EPHB1: variants seen among roughly 807,000 people sequenced by gnomAD.
EPHB1 encodes EPH receptor B1.
Under a neutral mutation model 94.4 loss-of-function variants are expected in EPHB1, and 30 were observed. The observed-to-expected ratio is 0.32, with a 90% CI of 0.24 to 0.43. The LOEUF (loss-of-function observed/expected upper bound fraction) is 0.43. EPHB1 is among the 20% of genes least tolerant of loss of function. EPHB1 has a pLI of 1.00. For synonymous variants in EPHB1, 522 were observed against 489.1 expected (o/e 1.07, Z -0.89); for missense variants, 1,055 against 1,308.3 (o/e 0.81, Z 2.99).
intron 3 of EPHB1, among the ~76,000 whole-genome samples, chr3:135,064,562 C>T (rs1295673572): frequency 1.3e-5 from 2 of 151,974 alleles, no homozygotes; most frequent in African/African-American, 4.8e-5. Flanking sequence ...TTTCATTTCT[C>T]ATTGAGGTTA....
chr3:134,911,009 T>G (rs187385016), intron 1 of EPHB1, among the ~76,000 whole-genome samples: 1 of 152,338 alleles, frequency 6.6e-6, no homozygotes, highest in African/African-American at 2.4e-5. Flanking sequence ...AGACCTGCTC[T>G]GAATGGTGAG....
chr3:134,907,762 A>G (rs777973444), intron 1 of EPHB1, among the ~76,000 whole-genome samples: 3 of 152,158 alleles, frequency 2.0e-5, no homozygotes, highest in Non-Finnish European at 2.9e-5. Flanking sequence ...GTATTACTCA[A>G]TTTAAAAATT....
At chr3:134,866,889 C>G (rs1578151744) in intron 1 of EPHB1, among the ~76,000 whole-genome samples, 1 of 152,166 alleles carries the variant, frequency 6.6e-6, no homozygotes, top group Admixed American at 6.5e-5. Flanking sequence ...ACCCTCTTGC[C>G]CACACATCTC....
chr3:134,885,187 A>G (rs1340627211), intron 1 of EPHB1, among the ~76,000 whole-genome samples: 1 of 152,258 alleles, frequency 6.6e-6, no homozygotes, highest in Non-Finnish European at 1.5e-5. Flanking sequence ...GATGGGATTG[A>G]TGGAAGATGA....
chr3:135,013,340 A>G (rs1935683562), intron 3 of EPHB1, among the ~76,000 whole-genome samples: 1 of 152,238 alleles, frequency 6.6e-6, no homozygotes, highest in Non-Finnish European at 1.5e-5. Flanking sequence ...CAGTGCCCAC[A>G]TCTCTCATCA....
intron 9 of EPHB1, among the ~76,000 whole-genome samples, chr3:135,169,804 T>C (rs888809797): frequency 2.0e-5 from 3 of 152,184 alleles, no homozygotes; most frequent in South Asian, 2.1e-4. Context: ...GTGACTTATC[T>C]AGGGCACATG....
chr3:135,117,719 G>C (rs991543976), intron 4 of EPHB1, among the ~76,000 whole-genome samples: 1 of 152,192 alleles, frequency 6.6e-6, no homozygotes, highest in African/African-American at 2.4e-5. Context: ...TGGTGTGCTG[G>C]CCCCTCCTTG....
chr3:134,889,709 A>T (rs1032207335), intron 1 of EPHB1, among the ~76,000 whole-genome samples: 1 of 149,328 alleles, frequency 6.7e-6, no homozygotes, highest in Non-Finnish European at 1.5e-5. Flanking sequence ...ACAGAGTCTC[A>T]CTCTGTTGCC....
intron 3 of EPHB1, among the ~76,000 whole-genome samples, chr3:134,967,285 C>T (rs1933795402): frequency 6.6e-6 from 1 of 152,052 alleles, no homozygotes; most frequent in Non-Finnish European, 1.5e-5. Flanking sequence ...TTGGTACTAA[C>T]TAGTCAGGGA....
At chr3:135,054,314 C>T (rs1937283725) in intron 3 of EPHB1, among the ~76,000 whole-genome samples, 1 of 152,108 alleles carries the variant, frequency 6.6e-6, no homozygotes. Flanking sequence ...TTCAGCCTGC[C>T]AGCCTACTGT....
At chr3:134,901,170 C>T (rs1228464556) in intron 1 of EPHB1, among the ~76,000 whole-genome samples, 2 of 152,086 alleles carry the variant, frequency 1.3e-5, no homozygotes, top group Non-Finnish European at 2.9e-5. Flanking sequence ...ATTATTATCA[C>T]ATCTAAAATA....
intron 4 of EPHB1, among the ~76,000 whole-genome samples, chr3:135,108,509 T>C (rs1376413055): frequency 6.6e-6 from 1 of 152,200 alleles, no homozygotes; most frequent in African/African-American, 2.4e-5. Flanking sequence ...ACCCTTGACC[T>C]CTGAGATGCC....
intron 3 of EPHB1, among the ~76,000 whole-genome samples, chr3:135,030,910 G>T (rs1240310368): frequency 6.6e-6 from 1 of 152,200 alleles, no homozygotes; most frequent in Non-Finnish European, 1.5e-5. Flanking sequence ...GCCAGGTGCG[G>T]CATGTAATCT....
At chr3:135,096,483 T>C (rs993491192) in intron 3 of EPHB1, among the ~76,000 whole-genome samples, 1 of 152,222 alleles carries the variant, frequency 6.6e-6, no homozygotes, top group African/African-American at 2.4e-5. Flanking sequence ...GATCTGAGAT[T>C]CTGTGTTTCT....
chr3:135,112,093 G>T (rs757572308), intron 4 of EPHB1, among the ~76,000 whole-genome samples: 4 of 152,236 alleles, frequency 2.6e-5, no homozygotes, highest in Non-Finnish European at 4.4e-5. Context: ...GCACAACGTG[G>T]CTGGAGTGAG....
intron 3 of EPHB1, among the ~76,000 whole-genome samples, chr3:135,029,523 C>A (rs1454661816): frequency 9.0e-4 from 134 of 148,332 alleles, no homozygotes; most frequent in African/African-American, 3.2e-3. Flanking sequence ...GTTGAAAATT[C>A]TTTTCTTTAA....
intron 1 of EPHB1, among the ~76,000 whole-genome samples, chr3:134,901,347 C>A (rs1451747316): frequency 2.0e-5 from 3 of 152,174 alleles, no homozygotes; most frequent in Non-Finnish European, 4.4e-5. Flanking sequence ...GCTCCTTCGC[C>A]CTTCTTATTT....
chr3:134,837,434 A>G (rs1182732699), intron 1 of EPHB1, among the ~76,000 whole-genome samples: 2 of 152,220 alleles, frequency 1.3e-5, no homozygotes, highest in African/African-American at 4.8e-5. Flanking sequence ...ACATGGATGC[A>G]GAATTTGTTT....
chr3:135,055,842 G>T (rs1021534367), intron 3 of EPHB1, among the ~76,000 whole-genome samples: 2 of 152,138 alleles, frequency 1.3e-5, no homozygotes, highest in East Asian at 1.9e-4. Context: ...CTGAGTATGG[G>T]CTCATCTTCA....
Sources: gnomAD v4.1 joint callset for allele counts (sites outside exome capture counted in the v4.1 genomes callset) on GRCh38, gnomAD v4.1.1 for gene constraint, MANE v1.5 for transcripts, NCBI Gene and HGNC (gene_info 2026-07-23, HGNC 2026-07-21) for gene names.